Variants in PCNX1 observed in about 807,000 individuals in gnomAD.
The protein encoded by PCNX1 is pecanex 1, also known as pecanex-like protein 1.
PCNX1 carries 78 observed loss-of-function variants against 242.2 expected under a neutral mutation model. The ratio of observed to expected loss-of-function variants is 0.32; its 90% CI spans 0.27 to 0.39. PCNX1 has a LOEUF of 0.39. PCNX1 is among the 10% of genes least tolerant of loss of function. The pLI is 1.00. For synonymous variants in PCNX1, 1,024 were observed against 1,032.9 expected, an observed-to-expected ratio of 0.99 and a Z score of 0.17; for missense variants, 2,581 against 2,856.5, an observed-to-expected ratio of 0.90 and a Z score of 2.20.
chr14:70,952,923 T>C (rs1049128709), intron 2 of PCNX1, among the ~76,000 whole-genome samples: 5 of 152,152 alleles, frequency 3.3e-5, no homozygotes, highest in African/African-American at 1.2e-4. Flanking sequence ...CATTTGATAT[T>C]GGTAAACCTT....
rs10135836 is a variant in PCNX1 at position 71,051,879 on chromosome 14, A to C, written c.4448-4A>C. ...GTCAGTGTCCTTAACTAGTTTTCCCATAGATTCAGCCATGCTGTTTATTCA... is the reference window on the plus strand; with the variant it reads ...GTCAGTGTCCTTAACTAGTTTTCCCCTAGATTCAGCCATGCTGTTTATTCA... On this transcript the variant is annotated splice_region_variant and splice_polypyrimidine_tract_variant and intron_variant, in intron 23 of 35. Transcript: ENST00000304743. 2,587 of 1,610,676 alleles carry C rather than the reference A, an allele frequency of 1.6e-3. 27 individuals are homozygous for C. The African/African-American group carries it at 0.03, about 19-fold the overall frequency.
At chr14:71,103,835 T>C (rs56043821) in intron 32 of PCNX1, among the ~76,000 whole-genome samples, 166 bp downstream of exon 32, 45,035 of 152,118 alleles carry the variant, frequency 0.3, 6,677 homozygotes, top group Middle Eastern at 0.4. Flanking sequence ...ATTCTTATCT[T>C]CAAAATCTTA....
intron 2 of PCNX1, among the ~76,000 whole-genome samples, chr14:70,961,051 A>G (rs369387636): frequency 6.5e-4 from 99 of 152,288 alleles, no homozygotes; most frequent in African/African-American, 7.2e-4. Context: ...CCATGCTCAT[A>G]GGTAGGAAGA....
rs2060462402 is a variant in PCNX1, at chr14:71,033,955, T to C, written c.3693T>C (p.Phe1231=). The change falls in exon 18 of 36, where the codon TTT becomes TTC. Residue 1231 remains phenylalanine, a synonymous_variant. Coordinates refer to ENST00000304743, the MANE Select transcript of PCNX1 (RefSeq NM_014982.3). ...GCTCTTTAGTGCAATCCAAGATTTTTCCAAAAACGGAAGAGAAAAATCCAG... is the reference window on the plus strand; with the variant it reads ...GCTCTTTAGTGCAATCCAAGATTTTCCCAAAAACGGAAGAGAAAAATCCAG... ...VLFSLVQSKI[F]PKTEEKNPED... 1.2e-6 allele frequency: 2 copies of C among 1,604,650 alleles called. No individual in the cohort carries two copies. Among genetic ancestry groups the C allele is most frequent in the Non-Finnish European group, 1.7e-6 (2 of 1,174,268 alleles).
chr14:70,913,811 T>C (rs1271392839), intron 1 of PCNX1, among the ~76,000 whole-genome samples: 1 of 152,238 alleles, frequency 6.6e-6, no homozygotes, highest in East Asian at 1.9e-4. Flanking sequence ...TAGATCAAGC[T>C]AGAAAAGTTA....
At chr14:70,988,443 A>G (rs2059061220) in intron 6 of PCNX1, 124 bp from the exon 7 acceptor site, 1 of 879,436 alleles carries the variant, frequency 1.1e-6, no homozygotes, top group Admixed American at 2.2e-5. Context: ...ATACATGTGA[A>G]AACAGTTTGG....
chr14:70,982,147 C>A (rs1240540426), intron 6 of PCNX1, among the ~76,000 whole-genome samples: 1 of 151,854 alleles, frequency 6.6e-6, no homozygotes, highest in East Asian at 1.9e-4. Flanking sequence ...TATTTTGTAC[C>A]CAGATATCAT....
chr14:71,109,032 AT>A lies in PCNX1; in HGVS notation c.6733del (p.Tyr2245ThrfsTer32). 1 of 1,611,398 alleles carries A rather than the reference AT, an allele frequency of 6.2e-7. No homozygotes were observed. Among genetic ancestry groups the A allele is most frequent in the Non-Finnish European group, 8.5e-7 (1 of 1,178,354 alleles). ...NNSHSRKAEV[I>X]YRVQIVDPSQ... The stretch of plus-strand genomic sequence containing the variant: ...TTCACACTCCAGAAAGGCAGAAGTG[AT>A]TTACAGAGTCCAAGTAAGTAAGCCC... On this transcript the variant is annotated frameshift_variant, in exon 34 of 36. Transcript: ENST00000304743. LOFTEE classifies it high-confidence loss of function.
At chr14:71,002,585 C>T (rs1359309040) in intron 8 of PCNX1, among the ~76,000 whole-genome samples, 1 of 152,192 alleles carries the variant, frequency 6.6e-6, no homozygotes, top group Non-Finnish European at 1.5e-5. Context: ...TTTCCCTCTT[C>T]TAGCAGTTGA....
intron 13 of PCNX1, among the ~76,000 whole-genome samples, chr14:71,024,903 T>C (rs1196502103): frequency 6.6e-6 from 1 of 152,170 alleles, no homozygotes; most frequent in Non-Finnish European, 1.5e-5. Flanking sequence ...GAACCATTAC[T>C]CTACTGTAAT....
chr14:70,934,910 G>A (rs1197011352), intron 1 of PCNX1, among the ~76,000 whole-genome samples: 1 of 152,182 alleles, frequency 6.6e-6, no homozygotes, highest in East Asian at 1.9e-4. Context: ...GGTAATAATT[G>A]TCAGCTGCTC....
rs750301685 is a variant in PCNX1 at position 71,047,008 on chromosome 14, C to A, written c.4063C>A (p.Leu1355Ile). 6.2e-7 allele frequency: 1 copy of A among 1,610,914 alleles called. No individual in the cohort carries two copies. Among genetic ancestry groups the A allele is most frequent in the Admixed American group, 1.7e-5 (1 of 59,958 alleles). ...GTTTGAGAAACTTCATGTGTGGCTT[C>A]TTTTTGTGGAGAAGAATATAATCTA... ...MWFEKLHVWL[L>I]FVEKNIIYPL... The change falls in exon 21 of 36, where the codon CTT becomes ATT. Residue 1355 changes from leucine (L) to isoleucine (I), a missense_variant. Transcript: ENST00000304743.
At chr14:70,937,228 T>C (rs2057043449) in intron 1 of PCNX1, among the ~76,000 whole-genome samples, 1 of 152,216 alleles carries the variant, frequency 6.6e-6, no homozygotes, top group African/African-American at 2.4e-5. Flanking sequence ...TTCTGAATGG[T>C]ATTGCCTAGG....
intron 33 of PCNX1, among the ~76,000 whole-genome samples, chr14:71,107,692 T>C (rs1014740411): frequency 6.6e-6 from 1 of 152,220 alleles, no homozygotes; most frequent in Non-Finnish European, 1.5e-5. Flanking sequence ...CAAATGTATA[T>C]GAAAATTACA....
At chr14:70,935,632 CACTG>C (rs1381233039) in intron 1 of PCNX1, among the ~76,000 whole-genome samples, 3 of 152,198 alleles carry the variant, frequency 2.0e-5, no homozygotes, top group African/African-American at 7.2e-5. Context: ...ATTTGTCTAA[CACTG>C]AGTAATAATG....
At position 70,977,933 on chromosome 14, in the gene PCNX1, T is replaced by C; in HGVS notation, c.1596T>C (p.Asp532=). Residue 532 remains aspartate (D), a synonymous_variant, in exon 6 of 36, where the codon GAT becomes GAC. Coordinates refer to ENST00000304743, the MANE Select transcript of PCNX1 (RefSeq NM_014982.3). ...CTGTGGATTCCAAAGTGCGTAAAGA[T>C]GTTGGTGGAAAGCAAAAGGAAGGGG... is the stretch of plus-strand genomic sequence containing the variant. The part of the protein sequence containing the change: ...AVSVDSKVRK[D]VGGKQKEGDV... The C allele has an allele frequency of 6.2e-7, 1 of 1,614,064 alleles. No individual in the cohort carries two copies. The highest frequency in any genetic ancestry group is 8.5e-7 in the Non-Finnish European group (1 of 1,180,012).
At chr14:71,051,534 T>C (rs537425487) in intron 23 of PCNX1, among the ~76,000 whole-genome samples, 3 of 152,290 alleles carry the variant, frequency 2.0e-5, no homozygotes, top group African/African-American at 4.8e-5. Flanking sequence ...AGTAACCACA[T>C]TGATATGGAA....
At chr14:71,014,464 A>G (rs940458540) in intron 11 of PCNX1, among the ~76,000 whole-genome samples, 3 of 152,228 alleles carry the variant, frequency 2.0e-5, no homozygotes, top group Non-Finnish European at 2.9e-5. Context: ...ATTAGCAGAC[A>G]AGGACATTAA....
In PCNX1 at chr14:71,011,547, G is replaced by T. The variant is rs1345809221; in HGVS notation, c.2776G>T (p.Val926Leu). 2 of 1,515,678 alleles carry T rather than the reference G, an allele frequency of 1.3e-6. No individual in the cohort carries two copies. Among genetic ancestry groups the T allele is most frequent in the African/African-American group, 1.4e-5 (1 of 72,442 alleles). 93.9% of individuals were successfully genotyped at this position (1,515,678 alleles called of 1,614,324 possible). A position where few individuals can be genotyped will look rare whatever the true frequency, so the allele number is the denominator to read the frequency against. The change falls in exon 10 of 36, where the codon GTG becomes TTG. Residue 926 changes from valine (V) to leucine (L), a missense_variant and splice_region_variant. Transcript: ENST00000304743. ...STSVRFYPHD[V>L]LSLPQIRLNR... ...CTCAGTTCGATTTTATCCACATGAT[G>T]TGGTAGGTTTTTCTTTATTTTTACA...
Sources: gnomAD v4.1 joint callset for allele counts (sites outside exome capture counted in the v4.1 genomes callset) on GRCh38, gnomAD v4.1.1 for gene constraint, MANE v1.5 for transcripts, NCBI Gene and HGNC (gene_info 2026-07-23, HGNC 2026-07-21) for gene names.